Variants in OSBPL6 observed in about 807,000 individuals in gnomAD.
The protein encoded by OSBPL6 is oxysterol binding protein like 6, also known as oxysterol-binding protein-related protein 6.
A neutral mutation model predicts 125.8 loss-of-function variants in OSBPL6; 49 were observed. That is an observed-to-expected ratio of 0.39 (90% CI 0.31 to 0.49). The LOEUF (loss-of-function observed/expected upper bound fraction) is 0.49, where lower values mean the gene tolerates loss of function less well. OSBPL6 is among the 20% of genes least tolerant of loss of function. The pLI is 0.88. For missense variants in OSBPL6, 986 were observed against 1,135.4 expected (o/e 0.87, Z 1.89); for synonymous variants, 394 against 391.8 (o/e 1.01, Z -0.07).
intron 4 of OSBPL6, 119 bp from the exon 5 acceptor site, chr2:178,328,137 C>T: frequency 1.5e-6 from 2 of 1,302,748 alleles, no homozygotes; most frequent in Non-Finnish European, 2.1e-6. Context: ...GAATGTTGTT[C>T]ATCCTTCTTT....
At chr2:178,225,925 C>G (rs1187854520) in intron 1 of OSBPL6, among the ~76,000 whole-genome samples, 2 of 152,176 alleles carry the variant, frequency 1.3e-5, no homozygotes, top group Non-Finnish European at 2.9e-5. Context: ...CAAACCATAT[C>G]AGATGGTGTA....
intron 1 of OSBPL6, among the ~76,000 whole-genome samples, chr2:178,252,405 C>G (rs542954169): frequency 6.6e-6 from 1 of 151,534 alleles, no homozygotes; most frequent in African/African-American, 2.4e-5. Flanking sequence ...TGCTGTATTC[C>G]AATAAAACTT....
chr2:178,360,286 A>G (rs1448387639), intron 12 of OSBPL6, among the ~76,000 whole-genome samples: 3 of 152,216 alleles, frequency 2.0e-5, no homozygotes, highest in African/African-American at 7.2e-5. Context: ...TCTAATCTAC[A>G]TTGTGAAGAT....
At chr2:178,261,332 G>A (rs1418683443) in intron 1 of OSBPL6, among the ~76,000 whole-genome samples, 2 of 149,700 alleles carry the variant, frequency 1.3e-5, no homozygotes, top group Admixed American at 6.7e-5. Context: ...GTATACATTT[G>A]TAAAACATCA....
chr2:178,336,236 TG>T (rs1689673460), intron 8 of OSBPL6, 64 bp from the exon 9 acceptor site: 1 of 1,541,422 alleles, frequency 6.5e-7, no homozygotes, highest in African/African-American at 1.4e-5. Flanking sequence ...TGAGGATACT[TG>T]TATTTTTTTA....
At chr2:178,255,242 T>C (rs1419794148) in intron 1 of OSBPL6, among the ~76,000 whole-genome samples, 1 of 152,178 alleles carries the variant, frequency 6.6e-6, no homozygotes, top group Non-Finnish European at 1.5e-5. Context: ...AGGCAGAAGT[T>C]GCATCAAGCT....
At chr2:178,194,495 C>A (rs2088730599), upstream of OSBPL6, 1 of 151,734 alleles carries the variant, frequency 6.6e-6, no homozygotes, top group African/African-American at 2.4e-5. Context: ...AGGCGCAGCA[C>A]GGTCGCCGCC....
chr2:178,298,168 A>T (rs1036764090), intron 2 of OSBPL6, among the ~76,000 whole-genome samples: 1 of 152,202 alleles, frequency 6.6e-6, no homozygotes, highest in Admixed American at 6.5e-5. Context: ...CTTTAAAATG[A>T]TGCCTTCAGG....
intron 1 of OSBPL6, among the ~76,000 whole-genome samples, chr2:178,255,364 G>A (rs953958340): frequency 4.6e-5 from 7 of 152,142 alleles, no homozygotes; most frequent in Non-Finnish European, 8.8e-5. Context: ...CAGGGGAACT[G>A]CCCTTTTATA....
At chr2:178,281,108 A>T (rs528808996) in intron 1 of OSBPL6, among the ~76,000 whole-genome samples, 4 of 149,560 alleles carry the variant, frequency 2.7e-5, no homozygotes. Context: ...TCTGCCTCCC[A>T]GGTTCAAGCA....
At chr2:178,289,143 G>A (rs1048656618) in intron 2 of OSBPL6, among the ~76,000 whole-genome samples, 2 of 147,270 alleles carry the variant, frequency 1.4e-5, no homozygotes, top group African/African-American at 5.1e-5. Context: ...TCACCCTCCC[G>A]AGTAGCTGGG....
intron 3 of OSBPL6, among the ~76,000 whole-genome samples, chr2:178,313,809 A>C (rs1687505086): frequency 6.6e-6 from 1 of 152,222 alleles, no homozygotes; most frequent in Admixed American, 6.5e-5. Context: ...TGACATATTA[A>C]GGCCATCCCC....
intron 1 of OSBPL6, among the ~76,000 whole-genome samples, chr2:178,229,495 C>T (rs953467448): frequency 6.6e-6 from 1 of 152,160 alleles, no homozygotes; most frequent in Non-Finnish European, 1.5e-5. Flanking sequence ...TTCCCTACCC[C>T]CAGACCAGCA....
At position 178,317,860 on chromosome 2, in the gene OSBPL6, C is replaced by G. The variant is rs541307602; in HGVS notation, c.103-6317C>G. On this transcript the variant is annotated intron_variant, in intron 3 of 24. Coordinates refer to ENST00000190611, the MANE Select transcript of OSBPL6 (RefSeq NM_032523.4). ...ATTAACTTTAGTATTATTTTCAGGT[C>G]ACAGTTTTCCTGCCTTTAAACTGAC... Among the ~76,000 whole-genome samples the G allele has an allele frequency of 1.0e-3, 154 of 152,132 alleles. 2 individuals are homozygous for G. Among genetic ancestry groups the G allele is most frequent in the Middle Eastern group, 6.8e-3 (2 of 294 alleles).
chr2:178,266,088 G>A (rs957702079), intron 1 of OSBPL6, among the ~76,000 whole-genome samples: 1 of 152,290 alleles, frequency 6.6e-6, no homozygotes, highest in African/African-American at 2.4e-5. Flanking sequence ...TGTTTTTCGG[G>A]CCAAGGAAAC....
intron 3 of OSBPL6, among the ~76,000 whole-genome samples, chr2:178,310,735 T>C (rs560961511): frequency 5.2e-4 from 79 of 152,256 alleles, no homozygotes; most frequent in Non-Finnish European, 8.5e-4. Flanking sequence ...GAACTCTTAA[T>C]TGCCCTCTCA....
chr2:178,392,309 A>C, intron 22 of OSBPL6, 103 bp from the exon 23 acceptor site: 369 of 1,189,388 alleles, frequency 3.1e-4, no homozygotes, highest in Non-Finnish European at 3.9e-4. Flanking sequence ...GTTTATGACT[A>C]CAAATTTGGT....
chr2:178,391,327 G>T, intron 22 of OSBPL6, 110 bp downstream of exon 22: 1 of 1,189,022 alleles, frequency 8.4e-7, no homozygotes, highest in Non-Finnish European at 1.1e-6. Context: ...TTAAGAGTGA[G>T]ATTAAAAGCG....
chr2:178,368,803 C>CA (rs1693099526), intron 13 of OSBPL6, among the ~76,000 whole-genome samples: 1 of 107,496 alleles, frequency 9.3e-6, no homozygotes, highest in East Asian at 7.4e-4. Context: ...TAAAAAAAAT[C>CA]CTTTTTTTTT....
Sources: allele counts gnomAD v4.1 joint callset (sites outside exome capture counted in the v4.1 genomes callset), GRCh38; gene constraint gnomAD v4.1.1; transcripts MANE v1.5; gene names NCBI Gene and HGNC (gene_info 2026-07-23, HGNC 2026-07-21).